Variants in TRAPPC9 observed in about 807,000 individuals in gnomAD.
The protein encoded by TRAPPC9 is trafficking protein particle complex subunit 9, also known as IKK2 binding protein.
Under a neutral mutation model 124.0 loss-of-function variants are expected in TRAPPC9, and 83 were observed. That is an observed-to-expected ratio of 0.67 (90% confidence interval 0.56 to 0.80). The LOEUF is 0.80. Among genes scored for constraint, TRAPPC9 ranks in the 30% least tolerant of loss-of-function variants. TRAPPC9 has a pLI of 0.00. For synonymous variants in TRAPPC9, 638 were observed against 617.5 expected (o/e 1.03, Z -0.49); for missense variants, 1,302 against 1,508.3 (o/e 0.86, Z 2.27).
intron 17 of TRAPPC9, among the ~76,000 whole-genome samples, chr8:140,122,184 T>C (rs1269685315): frequency 2.0e-5 from 3 of 152,138 alleles, no homozygotes; most frequent in African/African-American, 7.2e-5. Flanking sequence ...AACAGCCAGC[T>C]AGAAACCAAA....
At chr8:139,749,433 G>A (rs1819167469) in intron 21 of TRAPPC9, among the ~76,000 whole-genome samples, 1 of 152,208 alleles carries the variant, frequency 6.6e-6, no homozygotes, top group Non-Finnish European at 1.5e-5. Context: ...TGTCACATGA[G>A]AGCAATGGGC....
intron 19 of TRAPPC9, among the ~76,000 whole-genome samples, chr8:139,971,732 C>T (rs1344589097): frequency 1.9e-5 from 2 of 106,222 alleles, no homozygotes; most frequent in Non-Finnish European, 4.3e-5. Context: ...TACACACACA[C>T]ACACACATAT....
intron 21 of TRAPPC9, among the ~76,000 whole-genome samples, chr8:139,736,906 C>T (rs1025870814): frequency 2.0e-5 from 3 of 152,186 alleles, no homozygotes; most frequent in Non-Finnish European, 4.4e-5. Context: ...AGCCACCCTG[C>T]TGAGCAGGGC....
chr8:139,812,555 G>A (rs1010584224), intron 21 of TRAPPC9, among the ~76,000 whole-genome samples: 34 of 152,208 alleles, frequency 2.2e-4, no homozygotes, highest in Non-Finnish European at 4.4e-4. Context: ...AGGACTGCTG[G>A]TCTTCGTTAT....
chr8:139,844,806 T>A (rs1271281776), intron 21 of TRAPPC9, among the ~76,000 whole-genome samples: 1 of 152,342 alleles, frequency 6.6e-6, no homozygotes, highest in African/African-American at 2.4e-5. Context: ...TCCTGCTTTC[T>A]CAGAAGGTCC....
intron 9 of TRAPPC9, among the ~76,000 whole-genome samples, chr8:140,329,259 G>A (rs890315618): frequency 7.9e-5 from 12 of 152,102 alleles, no homozygotes; most frequent in Non-Finnish European, 1.8e-4. Context: ...GAGATCTTCT[G>A]GAAAGAAAAG....
At chr8:139,859,736 T>C (rs1371224573) in intron 21 of TRAPPC9, among the ~76,000 whole-genome samples, 1 of 152,144 alleles carries the variant, frequency 6.6e-6, no homozygotes, top group Non-Finnish European at 1.5e-5. Context: ...GAGAGGCACG[T>C]CTTTGGGAAG....
chr8:139,873,457 G>A (rs930467640), intron 21 of TRAPPC9, among the ~76,000 whole-genome samples: 1 of 152,164 alleles, frequency 6.6e-6, no homozygotes, highest in African/African-American at 2.4e-5. Flanking sequence ...CCATCAGGCT[G>A]TGAGTGAGTG....
At chr8:140,263,408 G>A (rs1207631609) in intron 15 of TRAPPC9, among the ~76,000 whole-genome samples, 1 of 152,162 alleles carries the variant, frequency 6.6e-6, no homozygotes, top group African/African-American at 2.4e-5. Context: ...AGAAAGGGAA[G>A]GAAAAAGGTG....
At chr8:139,768,240 A>G (rs1486106181) in intron 21 of TRAPPC9, among the ~76,000 whole-genome samples, 1 of 152,280 alleles carries the variant, frequency 6.6e-6, no homozygotes, top group Non-Finnish European at 1.5e-5. Context: ...GTAAAAGCAT[A>G]GAAGAAATAC....
intron 18 of TRAPPC9, among the ~76,000 whole-genome samples, chr8:140,009,654 G>A (rs1181742249): frequency 6.6e-6 from 1 of 152,158 alleles, no homozygotes; most frequent in Non-Finnish European, 1.5e-5. Context: ...ACCTACTCCT[G>A]TCCCAGAATT....
At chr8:140,235,173 A>C (rs1383773589) in intron 16 of TRAPPC9, among the ~76,000 whole-genome samples, 1 of 152,156 alleles carries the variant, frequency 6.6e-6, no homozygotes, top group Non-Finnish European at 1.5e-5. Context: ...GGGTTTCACC[A>C]TGTTGGTCAG....
intron 16 of TRAPPC9, among the ~76,000 whole-genome samples, chr8:140,231,036 G>A (rs539652710): frequency 6.6e-6 from 1 of 152,362 alleles, no homozygotes; most frequent in South Asian, 2.1e-4. Flanking sequence ...ACCATAGAGT[G>A]CTAGGGGCAG....
At chr8:139,796,589 T>C (rs1255606820) in intron 21 of TRAPPC9, among the ~76,000 whole-genome samples, 1 of 152,264 alleles carries the variant, frequency 6.6e-6, no homozygotes, top group Admixed American at 6.5e-5. Context: ...CAGCACTTCA[T>C]TCCTTTTCAG....
chr8:140,274,907 A>G (rs1292082896), intron 15 of TRAPPC9, among the ~76,000 whole-genome samples: 1 of 152,180 alleles, frequency 6.6e-6, no homozygotes, highest in Admixed American at 6.5e-5. Context: ...AACACCCCAA[A>G]GTCCTGCTAA....
chr8:140,444,070 G>C (rs2071149293), intron 2 of TRAPPC9, among the ~76,000 whole-genome samples: 1 of 149,260 alleles, frequency 6.7e-6, no homozygotes, highest in South Asian at 2.1e-4. Flanking sequence ...AGATTAGCCG[G>C]GCATGGTGGC....
intron 21 of TRAPPC9, among the ~76,000 whole-genome samples, chr8:139,837,682 T>C (rs931721390): frequency 1.3e-5 from 2 of 152,136 alleles, no homozygotes; most frequent in African/African-American, 4.8e-5. Context: ...ACGCACATCT[T>C]TGGCACACCC....
intron 17 of TRAPPC9, among the ~76,000 whole-genome samples, chr8:140,072,590 G>GGA: frequency 4.1e-5 from 1 of 24,250 alleles, no homozygotes; most frequent in Non-Finnish European, 8.4e-5. Flanking sequence ...AGGAGGAGAA[G>GGA]GGAAGGAGGA....
At chr8:140,364,586 A>G (rs766045033) in intron 8 of TRAPPC9, among the ~76,000 whole-genome samples, 15 of 152,084 alleles carry the variant, frequency 9.9e-5, no homozygotes, top group Non-Finnish European at 2.2e-4. Context: ...AGTAACTCTT[A>G]GCATTTTTTT....
Sources: gnomAD v4.1 joint callset for allele counts (sites outside exome capture counted in the v4.1 genomes callset) on GRCh38, gnomAD v4.1.1 for gene constraint, MANE v1.5 for transcripts, NCBI Gene and HGNC (gene_info 2026-07-23, HGNC 2026-07-21) for gene names.